The following RTN1 variants were observed in gnomAD, a reference collection of about 807,000 sequenced individuals.
RTN1 encodes the protein reticulon-1.
A neutral mutation model predicts 65.5 loss-of-function variants in RTN1; 25 were observed. That is an observed-to-expected ratio of 0.38 (90% CI 0.28 to 0.53). The LOEUF is 0.53. RTN1 is among the 20% of genes least tolerant of loss of function. RTN1 has a pLI of 0.79. For synonymous variants in RTN1, 471 were observed against 447.6 expected, an observed-to-expected ratio of 1.05 and a Z score of -0.66; for missense variants, 983 against 1,025.4, an observed-to-expected ratio of 0.96 and a Z score of 0.57.
At chr14:59,639,358 A>G (rs142006434) in intron 3 of RTN1, among the ~76,000 whole-genome samples, 7 of 152,336 alleles carry the variant, frequency 4.6e-5, no homozygotes, top group African/African-American at 1.7e-4. Context: ...TGTTGAAAAG[A>G]TGGTGCTAAT....
chr14:59,698,774 C>T (rs61985029), intron 3 of RTN1, among the ~76,000 whole-genome samples: 27 of 152,232 alleles, frequency 1.8e-4, no homozygotes, highest in African/African-American at 5.5e-4. Context: ...GGACTAATAC[C>T]TAAGGCATTA....
chr14:59,680,586 C>T (rs1566683170), intron 3 of RTN1, among the ~76,000 whole-genome samples: 1 of 152,138 alleles, frequency 6.6e-6, no homozygotes, highest in Non-Finnish European at 1.5e-5. Context: ...GGCATTGCCA[C>T]ATAAAGCTGA....
intron 3 of RTN1, among the ~76,000 whole-genome samples, chr14:59,710,882 C>G (rs1428280683): frequency 1.3e-5 from 2 of 152,194 alleles, no homozygotes; most frequent in African/African-American, 4.8e-5. Context: ...TTCCAAAGTG[C>G]CATTTCTTCT....
At chr14:59,809,781 T>C (rs1306609317) in intron 1 of RTN1, among the ~76,000 whole-genome samples, 1 of 152,166 alleles carries the variant, frequency 6.6e-6, no homozygotes, top group Non-Finnish European at 1.5e-5. Flanking sequence ...GAGGACTTCA[T>C]GAATACCTAA....
chr14:59,749,001 A>G (rs953896923), intron 1 of RTN1, among the ~76,000 whole-genome samples: 7 of 150,142 alleles, frequency 4.7e-5, no homozygotes, highest in African/African-American at 1.7e-4. Context: ...TGTCGGCCAG[A>G]TGGTCTCGAA....
chr14:59,870,512 G>C lies in RTN1; in HGVS notation c.119C>G (p.Pro40Arg). ...NEAVTPKGAT[P>R]APQAGEPSPG... ...GCTGGGCTCCCCAGCCTGCGGCGCC[G>C]GCGTGGCCCCTTTCGGCGTCACCGC... The change falls in exon 1 of 9, where the codon CCG (proline) becomes CGG (arginine). Residue 40 changes from proline to arginine, a missense_variant. By Grantham distance (103) the Pro-to-Arg change is moderately radical (BLOSUM62 -2). Transcript: ENST00000267484. The surrounding 1 kb of genome is among the most constrained non-coding windows in gnomAD (Gnocchi z 5.1). The C allele has an allele frequency of 6.9e-7, 1 of 1,457,052 alleles. No homozygotes were observed. The allele number at this position is 1,457,052 out of a possible 1,614,324, so 90.3% of individuals were successfully genotyped here. A position where few individuals can be genotyped will look rare whatever the true frequency, so the allele number is the denominator to read the frequency against.
chr14:59,859,076 G>A (rs993159144), intron 1 of RTN1, among the ~76,000 whole-genome samples: 15 of 152,228 alleles, frequency 9.9e-5, no homozygotes, highest in African/African-American at 2.9e-4. Context: ...ATTTTAAGTA[G>A]TCAATTTGGG....
chr14:59,774,448 C>T lies in RTN1; in HGVS notation c.242-27967G>A, dbSNP rs889940614. 1.3e-5 allele frequency among the ~76,000 whole-genome samples: 2 copies of T among 152,082 alleles called. No homozygotes were observed. The highest frequency in any genetic ancestry group is 2.9e-5 in the Non-Finnish European group (2 of 68,020). ...GCCTGCTGTTCTAGCTGTGTCAACACGGGCAAAATTGAGAGCTGAAGTAAT... is the reference window on the plus strand; with the variant it reads ...GCCTGCTGTTCTAGCTGTGTCAACATGGGCAAAATTGAGAGCTGAAGTAAT... On this transcript the variant is annotated intron_variant, in intron 1 of 8. Coordinates refer to ENST00000267484, the MANE Select transcript of RTN1 (RefSeq NM_021136.3). This position sits in a 1 kb window ranked among gnomAD's most constrained non-coding sequence, Gnocchi z 5.1.
Position 59,746,130 on chromosome 14 carries a change from T to G in RTN1, c.593A>C (p.Asp198Ala), listed in dbSNP as rs774918300. 6.2e-7 allele frequency: 1 copy of G among 1,610,932 alleles called. No homozygotes were observed. The highest frequency in any genetic ancestry group is 1.3e-5 in the African/African-American group (1 of 74,590). ...QMKAEAYKYI[D>A]ITRPEEVKHQ... is the part of the protein sequence containing the mutation. ...CTTCACCTCCTCGGGTCTGGTTATG[T>G]CAATGTATTTATAGGCCTCTGCTTT... Residue 198 changes from aspartate (D) to alanine (A), a missense_variant, in exon 2 of 9, where the codon GAC becomes GCC. Transcript: ENST00000267484.
chr14:59,696,216 G>C (rs911192172), intron 3 of RTN1, among the ~76,000 whole-genome samples: 1 of 152,164 alleles, frequency 6.6e-6, no homozygotes, highest in African/African-American at 2.4e-5. Flanking sequence ...TTTATGCTGA[G>C]GCAGCAGGTC....
chr14:59,739,175 G>A (rs936416820), intron 2 of RTN1, among the ~76,000 whole-genome samples: 3 of 152,118 alleles, frequency 2.0e-5, no homozygotes, highest in African/African-American at 7.2e-5. Context: ...AAAAAAGTCA[G>A]TCTTTTATTA....
rs1366601023 is a variant in RTN1, at chr14:59,750,171, C to CTATAATA, written c.242-3697_242-3691dup. Among the ~76,000 whole-genome samples, 222 of 49,984 alleles carry CTATAATA rather than the reference C, an allele frequency of 4.4e-3. 12 individuals are homozygous for CTATAATA. Among genetic ancestry groups the CTATAATA allele is most frequent in the African/African-American group, 0.021 (207 of 9,748 alleles). The allele number at this position is 49,984 out of a possible 152,430, so 32.8% of individuals were successfully genotyped here. The stretch of plus-strand genomic sequence containing the variant: ...ATATTATAGATAATATATATTATAT[C>CTATAATA]TATAATATATAATACATATATTATA... On this transcript the variant is annotated intron_variant, in intron 1 of 8. Coordinates refer to ENST00000267484, the MANE Select transcript of RTN1 (RefSeq NM_021136.3).
At chr14:59,700,527 T>G (rs1191222385) in intron 3 of RTN1, among the ~76,000 whole-genome samples, 1 of 152,130 alleles carries the variant, frequency 6.6e-6, no homozygotes, top group Non-Finnish European at 1.5e-5. Context: ...GTCTAGACAA[T>G]AAATCAATAC....
chr14:59,683,849 T>A (rs1883792287), intron 3 of RTN1, among the ~76,000 whole-genome samples: 1 of 152,062 alleles, frequency 6.6e-6, no homozygotes, highest in South Asian at 2.1e-4. Flanking sequence ...CTTTTCTTTG[T>A]TTTTTAGCTC....
rs188813237 is a variant in RTN1, at chr14:59,708,967, G to T, written c.1765+17952C>A. ...ATAGTTAATGTAGTGGAAAATAGAA[G>T]TTGAGAGATTTTTGCTCATTGGCTA... On this transcript the variant is annotated intron_variant, in intron 3 of 8. Transcript: ENST00000267484. Among the ~76,000 whole-genome samples, 740 of 152,312 alleles carry T rather than the reference G, an allele frequency of 4.9e-3. 4 individuals carry two copies. Among genetic ancestry groups the T allele is most frequent in the African/African-American group, 0.017 (710 of 41,560 alleles).
intron 1 of RTN1, among the ~76,000 whole-genome samples, chr14:59,830,617 A>T (rs1027228328): frequency 1.3e-5 from 2 of 152,232 alleles, no homozygotes; most frequent in African/African-American, 4.8e-5. Flanking sequence ...AGATTACCTC[A>T]GGTCATCCCT....
intron 3 of RTN1, among the ~76,000 whole-genome samples, chr14:59,616,181 G>A (rs113814287): frequency 2.0e-5 from 3 of 152,044 alleles, no homozygotes; most frequent in East Asian, 1.9e-4. Flanking sequence ...GTGTAAATGC[G>A]TTATTGGTAT....
At position 59,605,433 on chromosome 14, in the gene RTN1, C is replaced by G. The variant is rs767465823; in HGVS notation, c.2047G>C (p.Val683Leu). The G allele has an allele frequency of 1.1e-5, 17 of 1,613,932 alleles. No individual in the cohort carries two copies. The highest frequency in any genetic ancestry group is 1.3e-5 in the African/African-American group (1 of 74,928). ...CTCAGTTCCTTAAGTGTGCTGTTCA[C>G]GTAGAACTGCAGGCAGTCCGTGTAC... The part of the protein sequence containing the change: ...QKYTDCLQFY[V>L]NSTLKELRRL... The change falls in exon 5 of 9, where the codon GTG (valine) becomes CTG (leucine). Residue 683 changes from valine to leucine, a missense_variant. By Grantham distance (32) the Val-to-Leu change is conservative (BLOSUM62 1). This residue lies in a region of RTN1 where 165 missense variants were observed against 223.6 expected (regional missense o/e 0.74). Coordinates refer to ENST00000267484, the MANE Select transcript of RTN1 (RefSeq NM_021136.3).
chr14:59,611,827 C>T (rs1029624749), intron 3 of RTN1, among the ~76,000 whole-genome samples: 33 of 152,152 alleles, frequency 2.2e-4, no homozygotes, highest in Non-Finnish European at 4.4e-5. Flanking sequence ...GGCCTTCTGT[C>T]CATCTCCTCT....
Sources: gnomAD v4.1 joint callset for allele counts (sites outside exome capture counted in the v4.1 genomes callset) on GRCh38, gnomAD v4.1.1 for gene constraint, gnomAD v4.1.1 regional missense constraint, Gnocchi (gnomAD v3.1) non-coding constraint, MANE v1.5 for transcripts, NCBI Gene and HGNC (gene_info 2026-07-23, HGNC 2026-07-21) for gene names.